SDK1: variants seen among roughly 807,000 people sequenced by gnomAD.
SDK1 encodes protein sidekick-1.
SDK1 carries 157 observed loss-of-function variants against 245.5 expected under a neutral mutation model. The ratio of observed to expected loss-of-function variants is 0.64; its 90% confidence interval spans 0.56 to 0.73. The LOEUF (loss-of-function observed/expected upper bound fraction) is 0.73. SDK1 is among the 30% of genes least tolerant of loss of function. The pLI, the probability that SDK1 is intolerant of heterozygous loss-of-function variation, is 0.00. For synonymous variants in SDK1, 1,647 were observed against 1,278.5 expected (o/e 1.29, Z -6.15); for missense variants, 3,583 against 3,002.3 (o/e 1.19, Z -4.52).
intron 5 of SDK1, among the ~76,000 whole-genome samples, chr7:3,915,110 A>T (rs144682704): frequency 2.4e-4 from 36 of 152,350 alleles, no homozygotes; most frequent in African/African-American, 7.9e-4. Flanking sequence ...CCCTAAGGGC[A>T]CGAGAAGTTG....
intron 1 of SDK1, among the ~76,000 whole-genome samples, chr7:3,370,965 G>A (rs895175024): frequency 2.1e-4 from 32 of 152,246 alleles, no homozygotes; most frequent in Non-Finnish European, 4.0e-4. Flanking sequence ...CCCGCAGCAG[G>A]AGGCAGAGGG....
At chr7:3,850,154 G>A (rs1370263493) in intron 5 of SDK1, among the ~76,000 whole-genome samples, 1 of 152,158 alleles carries the variant, frequency 6.6e-6, no homozygotes, top group African/African-American at 2.4e-5. Flanking sequence ...CCTGCCCTGG[G>A]AATGGACCCA....
chr7:3,468,310 G>T (rs1295304743), intron 1 of SDK1, among the ~76,000 whole-genome samples: 1 of 152,124 alleles, frequency 6.6e-6, no homozygotes, highest in Admixed American at 6.5e-5. Flanking sequence ...TATTAACTGT[G>T]TTGGGACTCA....
intron 44 of SDK1, among the ~76,000 whole-genome samples, chr7:4,256,788 T>C (rs1296512321): frequency 1.3e-5 from 2 of 152,188 alleles, no homozygotes; most frequent in African/African-American, 4.8e-5. Flanking sequence ...TGAGAAGCCC[T>C]TTGTGGTCTC....
intron 35 of SDK1, 49 bp from the exon 36 acceptor site, chr7:4,205,830 C>T (rs374482284): frequency 1.8e-4 from 256 of 1,448,514 alleles, no homozygotes; most frequent in African/African-American, 2.1e-4. Flanking sequence ...GGGTCCGGGC[C>T]GGCTCTGAAT....
chr7:4,118,712 G>A lies in SDK1; in HGVS notation c.3823+4438G>A, dbSNP rs530067954. On this transcript the variant is annotated intron_variant, in intron 25 of 44. Coordinates refer to ENST00000404826, the MANE Select transcript of SDK1 (RefSeq NM_152744.4). ...CAGTTGACAAATGGATAAATAAAAT[G>A]TGGTCTATGCATTCAATGGATGATT... is the stretch of plus-strand genomic sequence containing the variant. Among the ~76,000 whole-genome samples the A allele has an allele frequency of 2.5e-4, 33 of 132,918 alleles. 1 individual carries two copies. Among genetic ancestry groups the A allele is most frequent in the African/African-American group, 8.5e-4 (32 of 37,850 alleles). 87.2% of individuals were successfully genotyped at this position (132,918 alleles called of 152,430 possible).
chr7:4,145,187 G>A (rs546789456), intron 28 of SDK1, among the ~76,000 whole-genome samples: 9 of 152,310 alleles, frequency 5.9e-5, no homozygotes, highest in East Asian at 5.8e-4. Flanking sequence ...AGAAGGGGCC[G>A]GATGGACGTT....
At chr7:3,695,355 C>G (rs543995560) in intron 4 of SDK1, among the ~76,000 whole-genome samples, 3 of 152,248 alleles carry the variant, frequency 2.0e-5, no homozygotes, top group African/African-American at 7.2e-5. Context: ...TCGTAGTATA[C>G]AAGTGCTGAA....
At chr7:3,658,379 T>G (rs1010982572) in intron 4 of SDK1, among the ~76,000 whole-genome samples, 1 of 152,116 alleles carries the variant, frequency 6.6e-6, no homozygotes, top group Admixed American at 6.5e-5. Flanking sequence ...AGCACTGTGC[T>G]AGGCTCTGCG....
intron 4 of SDK1, among the ~76,000 whole-genome samples, chr7:3,663,058 A>G (rs1043780903): frequency 6.6e-6 from 1 of 152,202 alleles, no homozygotes; most frequent in Non-Finnish European, 1.5e-5. Flanking sequence ...TAGTACACAT[A>G]TTTGATCTCA....
chr7:3,825,295 A>G (rs1224034116), intron 5 of SDK1, among the ~76,000 whole-genome samples: 1 of 143,718 alleles, frequency 7.0e-6, no homozygotes, highest in Non-Finnish European at 1.5e-5. Flanking sequence ...CTGAATTACT[A>G]TGTGAATAAG....
chr7:3,497,862 T>A (rs1310818220), intron 1 of SDK1, among the ~76,000 whole-genome samples: 2 of 152,154 alleles, frequency 1.3e-5, no homozygotes, highest in African/African-American at 4.8e-5. Context: ...TCACTGCACA[T>A]CTTAATCCCT....
chr7:3,887,882 G>C (rs1781374009), intron 5 of SDK1, among the ~76,000 whole-genome samples: 1 of 152,134 alleles, frequency 6.6e-6, no homozygotes, highest in African/African-American at 2.4e-5. Context: ...CTTAGCAACT[G>C]ACGTAAGATT....
chr7:3,848,697 G>A (rs1327441775), intron 5 of SDK1, among the ~76,000 whole-genome samples: 1 of 151,090 alleles, frequency 6.6e-6, no homozygotes, highest in East Asian at 1.9e-4. Flanking sequence ...CTGAGACAGT[G>A]TATTGCTCTT....
At chr7:3,827,808 C>G (rs1051528898) in intron 5 of SDK1, among the ~76,000 whole-genome samples, 1 of 152,078 alleles carries the variant, frequency 6.6e-6, no homozygotes, top group South Asian at 2.1e-4. Context: ...CATATTGAGC[C>G]ACAAGATGGA....
chr7:3,897,589 T>C (rs140033396), intron 5 of SDK1, among the ~76,000 whole-genome samples: 3 of 152,350 alleles, frequency 2.0e-5, no homozygotes, highest in African/African-American at 4.8e-5. Context: ...ATTATGTCTT[T>C]CCTTTCATGT....
chr7:3,936,320 G>A (rs1367985306), intron 5 of SDK1, among the ~76,000 whole-genome samples: 5 of 152,072 alleles, frequency 3.3e-5, no homozygotes, highest in African/African-American at 4.8e-5. Flanking sequence ...GGTGGCTCAC[G>A]CCTGTAATCC....
rs751445473 is a variant in SDK1, at chr7:4,127,455, G to T, written c.3898G>T (p.Val1300Leu). 1.2e-6 allele frequency: 2 copies of T among 1,614,132 alleles called. No individual in the cohort carries two copies. Among genetic ancestry groups the T allele is most frequent in the South Asian group, 1.1e-5 (1 of 91,068 alleles). The change falls in exon 26 of 45, where the codon GTG becomes TTG. Residue 1300 changes from valine (V) to leucine (L), a missense_variant. Val to Leu is a conservative substitution (Grantham distance 32). Transcript: ENST00000404826. The part of the protein sequence containing the change: ...STQILLTWTS[V>L]PEQDQNGLIL... ...CCAGATTTTACTGACATGGACATCC[G>T]TGCCGGAACAGGACCAGAATGGGCT...
intron 4 of SDK1, among the ~76,000 whole-genome samples, chr7:3,776,068 G>A (rs1055563615): frequency 2.6e-5 from 4 of 152,134 alleles, no homozygotes; most frequent in Admixed American, 2.0e-4. Context: ...CACCTACCAC[G>A]CATCAAAGTG....
Sources: allele counts gnomAD v4.1 joint callset (sites outside exome capture counted in the v4.1 genomes callset), GRCh38; gene constraint gnomAD v4.1.1; transcripts MANE v1.5; gene names NCBI Gene and HGNC (gene_info 2026-07-23, HGNC 2026-07-21).